GLCCI1: variants seen among roughly 807,000 people sequenced by gnomAD.
GLCCI1 encodes glucocorticoid-induced transcript 1 protein.
GLCCI1 carries 24 observed loss-of-function variants against 52.2 expected under a neutral mutation model. The observed-to-expected ratio is 0.46, with a 90% CI of 0.33 to 0.65. The LOEUF (loss-of-function observed/expected upper bound fraction) is 0.65, where lower values mean the gene tolerates loss of function less well. Among genes scored for constraint, GLCCI1 ranks in the 30% least tolerant of loss-of-function variants. The pLI, the probability that GLCCI1 is intolerant of heterozygous loss-of-function variation, is 0.02. For synonymous variants in GLCCI1, 310 were observed against 276.5 expected (o/e 1.12, Z -1.20); for missense variants, 704 against 701.5 (o/e 1.00, Z -0.04).
At chr7:8,075,247 A>G (rs1562451584) in intron 6 of GLCCI1, among the ~76,000 whole-genome samples, 1 of 152,210 alleles carries the variant, frequency 6.6e-6, no homozygotes, top group Non-Finnish European at 1.5e-5. Flanking sequence ...ACTTGTTTCA[A>G]GTGAATGGGT....
At chr7:8,016,668 A>C (rs1562429248) in intron 2 of GLCCI1, among the ~76,000 whole-genome samples, 1 of 152,170 alleles carries the variant, frequency 6.6e-6, no homozygotes, top group African/African-American at 2.4e-5. Context: ...TTTCCATGCT[A>C]TTGGAATTCT....
chr7:8,063,423 G>A (rs983116411), intron 5 of GLCCI1, among the ~76,000 whole-genome samples: 2 of 151,694 alleles, frequency 1.3e-5, no homozygotes, highest in Admixed American at 6.6e-5. Flanking sequence ...TAGGATTACA[G>A]GTGTGAGCCA....
rs1006998430 is a variant in GLCCI1, at chr7:7,969,674, C to T, written c.324C>T (p.Ser108=). The change falls in exon 1 of 8, where the codon AGC becomes AGT. Residue 108 remains serine, a synonymous_variant. Transcript: ENST00000223145. This position sits in a 1 kb window ranked among gnomAD's most constrained non-coding sequence, Gnocchi z 4.9. The part of the protein sequence containing the change: ...PGAARGPSPS[S]PTPPAAAAPA... ...CGGCCCGCGGCCCCAGCCCGTCCAG[C>T]CCGACGCCGCCGGCGGCCGCAGCCC... 3.0e-5 allele frequency: 33 copies of T among 1,096,994 alleles called. No homozygotes were observed. The highest frequency in any genetic ancestry group is 4.4e-4 in the Middle Eastern group (1 of 2,296). The allele number at this position is 1,096,994 out of a possible 1,614,324, so 68.0% of individuals were successfully genotyped here.
intron 1 of GLCCI1, among the ~76,000 whole-genome samples, chr7:7,979,285 C>T (rs771586884): frequency 2.0e-5 from 3 of 152,014 alleles, no homozygotes; most frequent in Middle Eastern, 3.4e-3. Flanking sequence ...GTAAAAAAAA[C>T]GCATTCAGGG....
At chr7:7,992,453 C>G (rs1043306300) in intron 1 of GLCCI1, among the ~76,000 whole-genome samples, 1 of 151,922 alleles carries the variant, frequency 6.6e-6, no homozygotes, top group South Asian at 2.1e-4. Flanking sequence ...AACAATATTC[C>G]GTAAGTTCTT....
chr7:7,999,348 C>T (rs1781005735), intron 1 of GLCCI1, among the ~76,000 whole-genome samples: 2 of 152,118 alleles, frequency 1.3e-5, no homozygotes, highest in Admixed American at 1.3e-4. Flanking sequence ...TGACTCATGC[C>T]TGTAATCTCA....
intron 1 of GLCCI1, among the ~76,000 whole-genome samples, chr7:7,970,070 G>C (rs988009596): frequency 1.3e-5 from 2 of 152,240 alleles, no homozygotes; most frequent in Admixed American, 6.5e-5. Flanking sequence ...TTAAGAGCTG[G>C]CTAGCTCATT....
intron 6 of GLCCI1, among the ~76,000 whole-genome samples, chr7:8,080,699 C>A (rs1206734076): frequency 6.8e-6 from 1 of 146,940 alleles, no homozygotes; most frequent in Non-Finnish European, 1.5e-5. Flanking sequence ...GCAGAATAGG[C>A]ACTTAATTTT....
intron 1 of GLCCI1, among the ~76,000 whole-genome samples, chr7:7,985,271 G>GGAGAAA (rs1383701361): frequency 6.6e-6 from 1 of 151,780 alleles, no homozygotes; most frequent in East Asian, 1.9e-4. Flanking sequence ...AGAGAGAGAG[G>GGAGAAA]GAGAAAGAGA....
At chr7:8,058,453 G>A (rs1217948396) in intron 4 of GLCCI1, among the ~76,000 whole-genome samples, 4 of 152,032 alleles carry the variant, frequency 2.6e-5, no homozygotes, top group Non-Finnish European at 5.9e-5. Context: ...AAGAAAATTT[G>A]AAAAGACTTT....
intron 1 of GLCCI1, among the ~76,000 whole-genome samples, chr7:7,979,928 ATCTTTCTG>A (rs1227663075): frequency 4.0e-5 from 6 of 151,536 alleles, no homozygotes; most frequent in Admixed American, 6.6e-5. Flanking sequence ...TTTTTTCTTT[ATCTTTCTG>A]TCTTTCTGTC....
At position 7,973,413 on chromosome 7, in the gene GLCCI1, C is replaced by CGTGTGTGTGTGTGTGTGT. The variant is rs57135358; in HGVS notation, c.457+3617_457+3634dup. Reference sequence around the variant, plus strand: ...AGTAGGAAATGCAAATCTTTGTGTGCGTGTGTGTGTGTGTGTGTGTGTGTG... The same window carrying CGTGTGTGTGTGTGTGTGT: ...AGTAGGAAATGCAAATCTTTGTGTGCGTGTGTGTGTGTGTGTGTGTGTGTGTGTGTGTGTGTGTGTGTG... On this transcript the variant is annotated intron_variant, in intron 1 of 7. Transcript: ENST00000223145. Among the ~76,000 whole-genome samples the CGTGTGTGTGTGTGTGTGT allele has an allele frequency of 8.8e-4, 130 of 147,684 alleles. 1 individual carries two copies. The highest frequency in any genetic ancestry group is 1.9e-3 in the Admixed American group (28 of 14,792).
intron 2 of GLCCI1, among the ~76,000 whole-genome samples, chr7:8,015,453 G>A (rs1385327345): frequency 6.6e-6 from 1 of 152,186 alleles, no homozygotes; most frequent in East Asian, 1.9e-4. Context: ...ATGGAAGCAA[G>A]ACTGAAGATT....
chr7:8,066,495 A>G (rs1056026692), intron 5 of GLCCI1, among the ~76,000 whole-genome samples: 1 of 149,752 alleles, frequency 6.7e-6, no homozygotes, highest in Non-Finnish European at 1.5e-5. Flanking sequence ...GTTATCTGAG[A>G]TCGGATTTTT....
chr7:7,978,726 C>T (rs1780549760), intron 1 of GLCCI1, among the ~76,000 whole-genome samples: 1 of 152,068 alleles, frequency 6.6e-6, no homozygotes, highest in African/African-American at 2.4e-5. Context: ...TTAAATATAT[C>T]AGTTGTACAT....
At position 8,086,591 on chromosome 7, in the gene GLCCI1, C is replaced by T; in HGVS notation, c.*53C>T. 1 of 1,395,562 alleles carries T rather than the reference C, an allele frequency of 7.2e-7. No homozygotes were observed. The highest frequency in any genetic ancestry group is 1.4e-5 in the South Asian group (1 of 72,824). The allele number at this position is 1,395,562 out of a possible 1,614,324, so 86.4% of individuals were successfully genotyped here. A position where few individuals can be genotyped will look rare whatever the true frequency, so the allele number is the denominator to read the frequency against. On this transcript the variant is annotated 3_prime_UTR_variant, in exon 8 of 8. Coordinates refer to ENST00000223145, the MANE Select transcript of GLCCI1 (RefSeq NM_138426.4). The surrounding 1 kb of genome is among the most constrained non-coding windows in gnomAD (Gnocchi z 4.4). The stretch of plus-strand genomic sequence containing the variant: ...GTTCCATGGATTCGGAACAAGATTT[C>T]AGACATCTGCATGAGTGACAAACTT...
chr7:8,077,585 A>T lies in GLCCI1; in HGVS notation c.1177+6454A>T, dbSNP rs187461612. Among the ~76,000 whole-genome samples, 41 of 152,226 alleles carry T rather than the reference A, an allele frequency of 2.7e-4. No homozygotes were observed. In the East Asian group the frequency reaches 6.6e-3, roughly 24 times the overall value. ...TCGATCTGTATCTCCTCACCTATAA[A>T]TTGGGGATAGCTGCCTCATAGAATT... On this transcript the variant is annotated intron_variant, in intron 6 of 7. Coordinates refer to ENST00000223145, the MANE Select transcript of GLCCI1 (RefSeq NM_138426.4).
chr7:8,076,273 T>C (rs953043669), intron 6 of GLCCI1, among the ~76,000 whole-genome samples: 4 of 152,154 alleles, frequency 2.6e-5, no homozygotes, highest in African/African-American at 4.8e-5. Flanking sequence ...CCTTGAAAAA[T>C]CACTGCTTTT....
intron 1 of GLCCI1, among the ~76,000 whole-genome samples, chr7:7,997,926 C>CAAAT (rs55772533): frequency 0.01 from 1,462 of 139,252 alleles, 16 homozygotes; most frequent in Middle Eastern, 0.018. Flanking sequence ...GACTCTGTCT[C>CAAAT]AAATAAATAA....
Sources: allele counts gnomAD v4.1 joint callset (sites outside exome capture counted in the v4.1 genomes callset), GRCh38; gene constraint gnomAD v4.1.1; non-coding constraint Gnocchi (gnomAD v3.1); transcripts MANE v1.5; gene names NCBI Gene and HGNC (gene_info 2026-07-23, HGNC 2026-07-21).